ENPP5: variants seen among roughly 807,000 people sequenced by gnomAD.
ENPP5 encodes ectonucleotide pyrophosphatase/phosphodiesterase family member 5.
ENPP5 carries 27 observed loss-of-function variants against 33.7 expected under a neutral mutation model. The ratio of observed to expected loss-of-function variants is 0.80; its 90% CI spans 0.59 to 1.11. The LOEUF is 1.11. Ranked by LOEUF, ENPP5 falls within the 50% of genes least tolerant of loss-of-function variation. The pLI is 0.00. For missense variants in ENPP5, 552 were observed against 579.2 expected (o/e 0.95, Z 0.48); for synonymous variants, 199 against 200.5 (o/e 0.99, Z 0.06).
chr6:46,161,191 G>GTA lies in ENPP5; in HGVS notation c.*134_*135insTA, dbSNP rs1338633145. On this transcript the variant is annotated 3_prime_UTR_variant, in exon 5 of 5. Coordinates refer to ENST00000371383, the MANE Select transcript of ENPP5 (RefSeq NM_001290072.2). ...TGTGTGTATGTGTGTGTGTGTGTGT[G>GTA]TGTATACCTAAATATGTAACTGCTT... 6 of 648,064 alleles carry GTA rather than the reference G, an allele frequency of 9.3e-6. No individual in the cohort carries two copies. The East Asian group carries it at 1.6e-4, about 18-fold the overall frequency. 40.1% of individuals were successfully genotyped at this position (648,064 alleles called of 1,614,324 possible).
In ENPP5 at chr6:46,160,126, G is replaced by A. The variant is rs974171488; in HGVS notation, c.*1200C>T. The A allele has an allele frequency of 2.6e-5, 4 of 152,074 alleles. No individual in the cohort carries two copies. Among genetic ancestry groups the A allele is most frequent in the African/African-American group, 7.2e-5 (3 of 41,396 alleles). The allele number at this position is 152,074 out of a possible 1,614,324, so 9.4% of individuals were successfully genotyped here. A position where few individuals can be genotyped will look rare whatever the true frequency, so the allele number is the denominator to read the frequency against. On this transcript the variant is annotated 3_prime_UTR_variant, in exon 5 of 5. Coordinates refer to ENST00000371383, the MANE Select transcript of ENPP5 (RefSeq NM_001290072.2). Reference sequence around the variant, plus strand: ...TCTTGAAACAGAGCTATATCATCTCGGCTCCCGTGTTTTGATACCTGTTAC... The same window carrying A: ...TCTTGAAACAGAGCTATATCATCTCAGCTCCCGTGTTTTGATACCTGTTAC...
rs1445045202 is a variant in ENPP5 at position 46,161,674 on chromosome 6, A to G, written c.1086T>C (p.Asn362=). The G allele has an allele frequency of 6.2e-7, 1 of 1,613,810 alleles. No individual in the cohort carries two copies. Among genetic ancestry groups the G allele is most frequent in the Non-Finnish European group, 8.5e-7 (1 of 1,179,878 alleles). The change falls in exon 5 of 5, where the codon AAT becomes AAC. Residue 362 remains asparagine, a synonymous_variant. Transcript: ENST00000371383. ...FLAHGPAFRK[N]FSKEAMNSTD... is the part of the protein sequence containing the mutation. ...TGGAGTTCATGGCTTCTTTTGAGAA[A>G]TTCTTTCTGAAGGCAGGACCATGGG...
At chr6:46,164,645 C>T (rs1308310573) in intron 4 of ENPP5, among the ~76,000 whole-genome samples, 4 of 151,972 alleles carry the variant, frequency 2.6e-5, no homozygotes, top group Non-Finnish European at 5.9e-5. Flanking sequence ...TTGAGCAAGC[C>T]CTCTAACATA....
chr6:46,166,763 C>T lies in ENPP5; in HGVS notation c.829+671G>A, dbSNP rs537287413. On this transcript the variant is annotated intron_variant, in intron 3 of 4. Transcript: ENST00000371383. ...TCTCTCATTTGATACCTAAGACCAA[C>T]CCTGCAAAGTGATAAAATATGTCAA... is the stretch of plus-strand genomic sequence containing the variant. Among the ~76,000 whole-genome samples, 4 of 152,236 alleles carry T rather than the reference C, an allele frequency of 2.6e-5. No individual in the cohort carries two copies. In the East Asian group the frequency reaches 5.8e-4, roughly 22 times the overall value.
At position 46,161,517 on chromosome 6, in the gene ENPP5, G is replaced by C. The variant is rs879081986; in HGVS notation, c.1243C>G (p.Leu415Val). The stretch of plus-strand genomic sequence containing the variant: ...GCTGGTTTAACACTACCAGGGAGGA[G>C]TATAGTACTCTGTGTATAAGGGACC... ...RVVPYTQSTILLPGSVKPAEY... is the reference protein window; with the variant it reads ...RVVPYTQSTIVLPGSVKPAEY... The change falls in exon 5 of 5, where the codon CTC becomes GTC. Residue 415 changes from leucine (L) to valine (V), a missense_variant. Coordinates refer to ENST00000371383, the MANE Select transcript of ENPP5 (RefSeq NM_001290072.2). 6.2e-7 allele frequency: 1 copy of C among 1,614,028 alleles called. No homozygotes were observed. The highest frequency in any genetic ancestry group is 1.1e-5 in the South Asian group (1 of 91,078).
rs922320291 is a variant in ENPP5, at chr6:46,160,795, T to C, written c.*531A>G. On this transcript the variant is annotated 3_prime_UTR_variant, in exon 5 of 5. Coordinates refer to ENST00000371383, the MANE Select transcript of ENPP5 (RefSeq NM_001290072.2). ...TATCACATTTAATTTTCAACACTTA[T>C]CACCTTCTTCTTCTCTCAATTTATG... is the stretch of plus-strand genomic sequence containing the variant. 1 of 154,450 alleles carries C rather than the reference T, an allele frequency of 6.5e-6. No homozygotes were observed. The highest frequency in any genetic ancestry group is 1.4e-5 in the Non-Finnish European group (1 of 69,262). The allele number at this position is 154,450 out of a possible 1,614,324, so 9.6% of individuals were successfully genotyped here. A position where few individuals can be genotyped will look rare whatever the true frequency, so the allele number is the denominator to read the frequency against.
At chr6:46,162,769 T>C (rs1222278552) in intron 4 of ENPP5, among the ~76,000 whole-genome samples, 1 of 152,216 alleles carries the variant, frequency 6.6e-6, no homozygotes, top group African/African-American at 2.4e-5. Context: ...ATGCCATGAT[T>C]CTTTTAGGTT....
In ENPP5 at chr6:46,162,711, G is replaced by T. The variant is rs544189895; in HGVS notation, c.1007-958C>A. ...TAAACTGACCCCTAGTCATTTCAAA[G>T]TAATTTGAAATCTACCAGGAAAAGC... On this transcript the variant is annotated intron_variant, in intron 4 of 4. Coordinates refer to ENST00000371383, the MANE Select transcript of ENPP5 (RefSeq NM_001290072.2). Among the ~76,000 whole-genome samples the T allele has an allele frequency of 3.3e-5, 5 of 152,162 alleles. No homozygotes were observed. In the East Asian group the frequency reaches 5.8e-4, roughly 18 times the overall value.
Position 46,161,512 on chromosome 6 carries a change from G to C in ENPP5, c.1248C>G (p.Leu416=). 6.2e-7 allele frequency: 1 copy of C among 1,614,052 alleles called. No individual in the cohort carries two copies. The highest frequency in any genetic ancestry group is 8.5e-7 in the Non-Finnish European group (1 of 1,179,900). ...VVPYTQSTIL[L]PGSVKPAEYD... ...ATTCTGCTGGTTTAACACTACCAGG[G>C]AGGAGTATAGTACTCTGTGTATAAG... Residue 416 remains leucine, a synonymous_variant, in exon 5 of 5, where the codon CTC becomes CTG. Coordinates refer to ENST00000371383, the MANE Select transcript of ENPP5 (RefSeq NM_001290072.2).
intron 4 of ENPP5, among the ~76,000 whole-genome samples, chr6:46,164,573 AG>A (rs1764479728): frequency 6.6e-6 from 1 of 152,200 alleles, no homozygotes; most frequent in African/African-American, 2.4e-5. Flanking sequence ...CCATTTCTAG[AG>A]GGCCCTTTGA....
chr6:46,163,349 A>G (rs1035521127), intron 4 of ENPP5, among the ~76,000 whole-genome samples: 9 of 142,506 alleles, frequency 6.3e-5, no homozygotes, highest in Non-Finnish European at 1.4e-4. Flanking sequence ...TATATCTCCC[A>G]ATGCTATCCC....
rs1196619444 is a variant in ENPP5 at position 46,168,134 on chromosome 6, T to C, written c.129A>G (p.Leu43=). Residue 43 remains leucine (L), a synonymous_variant, in exon 3 of 5, where the codon TTA becomes TTG. Coordinates refer to ENST00000371383, the MANE Select transcript of ENPP5 (RefSeq NM_001290072.2). ...GAAAATGGGGCGTTGGAACTTTATA[T>C]AAGTAATCCCAACGGAATCCATCAA... ...VSFDGFRWDY[L]YKVPTPHFHY... is the part of the protein sequence containing the mutation. 6.2e-7 allele frequency: 1 copy of C among 1,613,796 alleles called. No individual in the cohort carries two copies. The highest frequency in any genetic ancestry group is 1.1e-5 in the South Asian group (1 of 91,054).
rs748347794 is a variant in ENPP5, at chr6:46,167,426, A to T, written c.829+8T>A. Reference sequence around the variant, plus strand: ...GTCTCAGCTCACCATTCATTCAGTCAGCCTTACCTTCTTTTGGCAAGATGG... The same window carrying T: ...GTCTCAGCTCACCATTCATTCAGTCTGCCTTACCTTCTTTTGGCAAGATGG... On this transcript the variant is annotated splice_region_variant and intron_variant, in intron 3 of 4. Transcript: ENST00000371383. 6.4e-7 allele frequency: 1 copy of T among 1,573,680 alleles called. No individual in the cohort carries two copies. Among genetic ancestry groups the T allele is most frequent in the Non-Finnish European group, 8.7e-7 (1 of 1,146,368 alleles).
At chr6:46,161,889 A>G (rs1419155627) in intron 4 of ENPP5, 136 bp from the exon 5 acceptor site, 1 of 694,162 alleles carries the variant, frequency 1.4e-6, no homozygotes, top group Admixed American at 2.5e-5. Flanking sequence ...TTTGACAAAC[A>G]ATCTCTGCTG....
Position 46,168,279 on chromosome 6 carries a change from C to G in ENPP5, c.-17G>C. ...CGAAGTCATTTTCAAAGTACTTGAT[C>G]AGTTCAGTGTAAGATAATCTGTAGA... On this transcript the variant is annotated 5_prime_UTR_variant, in exon 3 of 5. Transcript: ENST00000371383. 2 of 1,460,088 alleles carry G rather than the reference C, an allele frequency of 1.4e-6. No individual in the cohort carries two copies. The highest frequency in any genetic ancestry group is 1.9e-6 in the Non-Finnish European group (2 of 1,058,284). 90.4% of individuals were successfully genotyped at this position (1,460,088 alleles called of 1,614,324 possible).
intron 2 of ENPP5, among the ~76,000 whole-genome samples, chr6:46,168,833 T>A (rs1166365295): frequency 1.3e-5 from 2 of 152,062 alleles, no homozygotes; most frequent in African/African-American, 4.8e-5. Flanking sequence ...AGACAAAAGA[T>A]GTATTACTAA....
In ENPP5 at chr6:46,168,121, T is replaced by C. The variant is rs146025312; in HGVS notation, c.142A>G (p.Thr48Ala). 7.1e-5 allele frequency: 115 copies of C among 1,613,834 alleles called. 1 individual carries two copies. The highest frequency in any genetic ancestry group is 9.0e-5 in the Non-Finnish European group (106 of 1,179,864). ...FRWDYLYKVP[T>A]PHFHYIMKYG... Reference sequence around the variant, plus strand: ...TTCATAATATAATGAAAATGGGGCGTTGGAACTTTATATAAGTAATCCCAA... The same window carrying C: ...TTCATAATATAATGAAAATGGGGCGCTGGAACTTTATATAAGTAATCCCAA... Residue 48 changes from threonine to alanine, a missense_variant, in exon 3 of 5, where the codon ACG becomes GCG. By Grantham distance (58) the Thr-to-Ala change is moderately conservative. Transcript: ENST00000371383.
At chr6:46,164,394 G>A (rs574365800) in intron 4 of ENPP5, among the ~76,000 whole-genome samples, 1 of 152,340 alleles carries the variant, frequency 6.6e-6, no homozygotes, top group African/African-American at 2.4e-5. Context: ...AACACACTTT[G>A]AGAGCCACTG....
chr6:46,161,145 G>T lies in ENPP5; in HGVS notation c.*181C>A, dbSNP rs73735712. 1.7e-6 allele frequency: 1 copy of T among 578,608 alleles called. No homozygotes were observed. The highest frequency in any genetic ancestry group is 3.1e-6 in the Non-Finnish European group (1 of 324,688). The allele number at this position is 578,608 out of a possible 1,614,324, so 35.8% of individuals were successfully genotyped here. ...CTCTCACATCTTTATTCCTTTGCAG[G>T]TGTAAGTATTTTGGTCCGTGTGTGT... On this transcript the variant is annotated 3_prime_UTR_variant, in exon 5 of 5. Transcript: ENST00000371383.
Sources: allele counts gnomAD v4.1 joint callset (sites outside exome capture counted in the v4.1 genomes callset), GRCh38; gene constraint gnomAD v4.1.1; transcripts MANE v1.5; gene names NCBI Gene and HGNC (gene_info 2026-07-23, HGNC 2026-07-21).